Variants in IPCEF1 observed in about 807,000 individuals in gnomAD.
IPCEF1 encodes interaction protein for cytohesin exchange factors 1.
A neutral mutation model predicts 50.9 loss-of-function variants in IPCEF1; 31 were observed. That is an observed-to-expected ratio of 0.61 (90% CI 0.46 to 0.82). IPCEF1 has a LOEUF of 0.82. Ranked by LOEUF, IPCEF1 falls within the 40% of genes least tolerant of loss-of-function variation. The pLI, the probability that IPCEF1 is intolerant of heterozygous loss-of-function variation, is 0.00. For missense variants in IPCEF1, 458 were observed against 514.0 expected, an observed-to-expected ratio of 0.89 and a Z score of 1.05; for synonymous variants, 181 against 192.0, an observed-to-expected ratio of 0.94 and a Z score of 0.47.
intron 2 of IPCEF1, among the ~76,000 whole-genome samples, chr6:154,280,650 T>A (rs1469352153): frequency 6.6e-6 from 1 of 152,180 alleles, no homozygotes; most frequent in Admixed American, 6.5e-5. Flanking sequence ...GGAAGTGTAC[T>A]TGGGTCATAA....
At chr6:154,262,128 A>G (rs1447978310) in intron 3 of IPCEF1, among the ~76,000 whole-genome samples, 3 of 152,238 alleles carry the variant, frequency 2.0e-5, no homozygotes, top group Non-Finnish European at 4.4e-5. Flanking sequence ...TGCCGCCCAG[A>G]CACTGACGGC....
intron 1 of IPCEF1, among the ~76,000 whole-genome samples, chr6:154,319,921 A>G (rs1390046124): frequency 6.6e-6 from 1 of 152,226 alleles, no homozygotes; most frequent in East Asian, 1.9e-4. Flanking sequence ...AAATCACAAC[A>G]TAAATATCTG....
chr6:154,265,567 C>T (rs1404664420), intron 3 of IPCEF1, among the ~76,000 whole-genome samples: 1 of 152,124 alleles, frequency 6.6e-6, no homozygotes, highest in African/African-American at 2.4e-5. Flanking sequence ...GCATGAGCCA[C>T]CGTGCCCAGC....
intron 3 of IPCEF1, among the ~76,000 whole-genome samples, chr6:154,250,554 C>T (rs1433567323): frequency 6.6e-6 from 1 of 151,980 alleles, no homozygotes; most frequent in Non-Finnish European, 1.5e-5. Flanking sequence ...TTCATTTGGC[C>T]ACGAATCACT....
At chr6:154,243,349 C>T (rs1322811250) in intron 5 of IPCEF1, among the ~76,000 whole-genome samples, 2 of 152,124 alleles carry the variant, frequency 1.3e-5, no homozygotes, top group Non-Finnish European at 1.5e-5. Flanking sequence ...TTGTGTGCCG[C>T]GTCACACTAA....
At chr6:154,226,441 T>C (rs1216061655) in intron 5 of IPCEF1, among the ~76,000 whole-genome samples, 1 of 152,130 alleles carries the variant, frequency 6.6e-6, no homozygotes, top group East Asian at 1.9e-4. Context: ...TATCACTTTC[T>C]AGCCAGTTGC....
In IPCEF1 at chr6:154,265,911, C is replaced by A. The variant is rs1457126223; in HGVS notation, c.36+1G>T. ...CCTGGGGTATTCCAAAGGATACTTA[C>A]AAGAGCACTGCCATCAATAGCCATG... On this transcript the variant is annotated splice_donor_variant, in intron 3 of 11. Coordinates refer to ENST00000367220, the MANE Select transcript of IPCEF1 (RefSeq NM_001130700.2). LOFTEE classifies it high-confidence loss of function. 6.9e-6 allele frequency: 11 copies of A among 1,595,978 alleles called. No individual in the cohort carries two copies. The highest frequency in any genetic ancestry group is 1.3e-5 in the African/African-American group (1 of 74,100).
At chr6:154,191,269 A>C (rs1473223655) in intron 10 of IPCEF1, among the ~76,000 whole-genome samples, 1 of 152,218 alleles carries the variant, frequency 6.6e-6, no homozygotes, top group Non-Finnish European at 1.5e-5. Flanking sequence ...GATGGAGCAC[A>C]GGGGATATTT....
intron 2 of IPCEF1, among the ~76,000 whole-genome samples, chr6:154,271,793 G>A (rs1016015086): frequency 2.0e-5 from 3 of 152,086 alleles, no homozygotes; most frequent in African/African-American, 7.2e-5. Context: ...AGACCAGCCT[G>A]GGCAACATAG....
At chr6:154,353,293 C>CTTTTT (rs914097422) in intron 1 of IPCEF1, among the ~76,000 whole-genome samples, 15 of 127,854 alleles carry the variant, frequency 1.2e-4, no homozygotes, top group African/African-American at 2.1e-4. Context: ...TTTCCTTTTC[C>CTTTTT]TTTTTTTTTT....
intron 11 of IPCEF1, among the ~76,000 whole-genome samples, chr6:154,165,115 C>T (rs1318644313): frequency 6.6e-6 from 1 of 152,192 alleles, no homozygotes; most frequent in African/African-American, 2.4e-5. Flanking sequence ...AAAACATAAA[C>T]ATTTCCTCTG....
At chr6:154,343,730 A>C (rs149839994) in intron 1 of IPCEF1, among the ~76,000 whole-genome samples, 2,915 of 152,362 alleles carry the variant, frequency 0.019, 47 homozygotes, top group Middle Eastern at 0.054. Flanking sequence ...AGAGGAAAAG[A>C]GGTCCTTGGA....
chr6:154,325,276 T>G (rs1269951938), intron 1 of IPCEF1, among the ~76,000 whole-genome samples: 2 of 152,176 alleles, frequency 1.3e-5, no homozygotes, highest in Non-Finnish European at 2.9e-5. Flanking sequence ...AAAAACTATA[T>G]ATTAATATAT....
At chr6:154,330,505 C>T (rs919572319) in intron 1 of IPCEF1, among the ~76,000 whole-genome samples, 28 of 151,622 alleles carry the variant, frequency 1.8e-4, no homozygotes, top group African/African-American at 6.8e-4. Flanking sequence ...TTTTTATGAT[C>T]GGTAGAGATA....
At chr6:154,216,741 G>A (rs1281629144) in intron 7 of IPCEF1, among the ~76,000 whole-genome samples, 1 of 152,230 alleles carries the variant, frequency 6.6e-6, no homozygotes, top group East Asian at 1.9e-4. Flanking sequence ...GGTGGCACAC[G>A]CCTATAATCC....
chr6:154,278,302 T>C (rs1252624315), intron 2 of IPCEF1, among the ~76,000 whole-genome samples: 1 of 152,194 alleles, frequency 6.6e-6, no homozygotes, highest in Non-Finnish European at 1.5e-5. Context: ...CAGACTGACA[T>C]TCACCAGGTC....
chr6:154,253,337 C>A (rs942346745), intron 3 of IPCEF1, among the ~76,000 whole-genome samples: 1 of 152,150 alleles, frequency 6.6e-6, no homozygotes, highest in Non-Finnish European at 1.5e-5. Flanking sequence ...CACATCCGAC[C>A]TCCTTTGCAC....
At chr6:154,269,493 T>G (rs577438102) in intron 2 of IPCEF1, among the ~76,000 whole-genome samples, 2 of 152,282 alleles carry the variant, frequency 1.3e-5, no homozygotes, top group East Asian at 3.9e-4. Flanking sequence ...TTTCCTTTCT[T>G]TTTTTAATTT....
chr6:154,343,062 G>A (rs1404717067), intron 1 of IPCEF1, among the ~76,000 whole-genome samples: 1 of 152,186 alleles, frequency 6.6e-6, no homozygotes, highest in Non-Finnish European at 1.5e-5. Context: ...GCTGCAGTGA[G>A]CTGAGATACC....
Sources: allele counts gnomAD v4.1 joint callset (sites outside exome capture counted in the v4.1 genomes callset), GRCh38; gene constraint gnomAD v4.1.1; transcripts MANE v1.5; gene names NCBI Gene and HGNC (gene_info 2026-07-23, HGNC 2026-07-21).